ORC1: variants seen among roughly 807,000 people sequenced by gnomAD.
The protein encoded by ORC1 is origin recognition complex subunit 1.
A neutral mutation model predicts 98.9 loss-of-function variants in ORC1; 61 were observed. The observed-to-expected ratio is 0.62, with a 90% CI of 0.50 to 0.76. ORC1 has a LOEUF of 0.76. Ranked by LOEUF, ORC1 falls within the 30% of genes least tolerant of loss-of-function variation. The pLI is 0.00. For missense variants in ORC1, 979 were observed against 1,072.2 expected, an observed-to-expected ratio of 0.91 and a Z score of 1.21; for synonymous variants, 385 against 406.9, an observed-to-expected ratio of 0.95 and a Z score of 0.65.
chr1:52,374,770 G>T, intron 16 of ORC1, 40 bp downstream of exon 16: 1 of 1,391,710 alleles, frequency 7.2e-7, no homozygotes, highest in Non-Finnish European at 1.0e-6. Flanking sequence ...AAAAGCGTAA[G>T]TCCAAAATCT....
intron 3 of ORC1, among the ~76,000 whole-genome samples, chr1:52,399,909 C>T (rs937528880): frequency 1.4e-4 from 21 of 152,046 alleles, no homozygotes; most frequent in African/African-American, 4.8e-4. Context: ...ATTATTACAG[C>T]ATACGATTAG....
At chr1:52,376,733 G>T (rs746410659) in intron 14 of ORC1, among the ~76,000 whole-genome samples, 2 of 152,086 alleles carry the variant, frequency 1.3e-5, no homozygotes, top group Admixed American at 6.6e-5. Context: ...GGGAACTCTG[G>T]GGGGTAAGGA....
upstream of ORC1, chr1:52,408,810 G>T: frequency 7.9e-7 from 1 of 1,265,506 alleles, no homozygotes; most frequent in Non-Finnish European, 1.1e-6. Context: ...CATTGTTACT[G>T]TCTCTATGCA....
chr1:52,382,572 C>CTTTTTTT (rs3049207), intron 13 of ORC1, among the ~76,000 whole-genome samples: 2 of 107,406 alleles, frequency 1.9e-5, no homozygotes, highest in Admixed American at 9.8e-5. Flanking sequence ...AGTGCTAAAA[C>CTTTTTTT]TTTTTTTTTT....
intron 14 of ORC1, among the ~76,000 whole-genome samples, chr1:52,380,101 G>A (rs1166331802): frequency 6.6e-6 from 1 of 152,134 alleles, no homozygotes; most frequent in African/African-American, 2.4e-5. Context: ...CCTGACACCA[G>A]CCCCTCATTC....
In ORC1 at chr1:52,386,342, C is replaced by T. The variant is rs115882970; in HGVS notation, c.1384-393G>A. 3.5e-3 allele frequency among the ~76,000 whole-genome samples: 529 copies of T among 152,302 alleles called. 2 individuals carry two copies. The highest frequency in any genetic ancestry group is 0.012 in the African/African-American group (506 of 41,556). On this transcript the variant is annotated intron_variant, in intron 8 of 16. Coordinates refer to ENST00000371568, the MANE Select transcript of ORC1 (RefSeq NM_004153.4). Reference sequence around the variant, plus strand: ...ATAAACTAGGTTTGATTCATTAGATCTTTCCCTGGGCTTATTTGAAGATAT... The same window carrying T: ...ATAAACTAGGTTTGATTCATTAGATTTTTCCCTGGGCTTATTTGAAGATAT...
Position 52,400,029 on chromosome 1 carries a change from A to G in ORC1, c.223+1333T>C, listed in dbSNP as rs1240928701. 4.6e-5 allele frequency among the ~76,000 whole-genome samples: 7 copies of G among 152,274 alleles called. No homozygotes were observed. The East Asian group carries it at 1.3e-3, about 29-fold the overall frequency. On this transcript the variant is annotated intron_variant, in intron 3 of 16. Transcript: ENST00000371568. ...TTCAGAGAAAGACTAAAGTCATCCA[A>G]TGGAGCACCAAGAGAGGATTCTAGA...
At chr1:52,376,423 G>A (rs920322052) in intron 14 of ORC1, among the ~76,000 whole-genome samples, 2 of 152,088 alleles carry the variant, frequency 1.3e-5, no homozygotes, top group African/African-American at 4.8e-5. Flanking sequence ...GCTGAGGCAG[G>A]AGAGTCACTT....
Position 52,383,435 on chromosome 1 carries a change from C to G in ORC1, c.1998G>C (p.Arg666=). Reference sequence around the variant, plus strand: ...TAGAACCTACCAGTCGGCTGGACACCCGGTTCATCATGATTCGCTCTGGCA... The same window carrying G: ...TAGAACCTACCAGTCGGCTGGACACGCGGTTCATCATGATTCGCTCTGGCA... ...MDLPERIMMN[R]VSSRLGLTRM... Residue 666 remains arginine (R), a synonymous_variant, in exon 13 of 17, where the codon CGG becomes CGC. Coordinates refer to ENST00000371568, the MANE Select transcript of ORC1 (RefSeq NM_004153.4). 6.2e-7 allele frequency: 1 copy of G among 1,612,660 alleles called. No individual in the cohort carries two copies. Among genetic ancestry groups the G allele is most frequent in the South Asian group, 1.1e-5 (1 of 91,000 alleles).
rs541977930 is a variant in ORC1 at position 52,393,590 on chromosome 1, G to A, written c.935C>T (p.Pro312Leu). Residue 312 changes from proline to leucine, a missense_variant, in exon 6 of 17, where the codon CCT (proline) becomes CTT (leucine). Pro to Leu is a moderately conservative substitution (Grantham distance 98). Transcript: ENST00000371568. The stretch of plus-strand genomic sequence containing the variant: ...GGTTCTCAGGATTATGCGATGTTCA[G>A]GTGAAGCCTTCTTGTCATCCTCAGT... ...SYTEDDKKAS[P>L]EHRIILRTRI... 1 of 1,614,166 alleles carries A rather than the reference G, an allele frequency of 6.2e-7. No homozygotes were observed. Among genetic ancestry groups the A allele is most frequent in the African/African-American group, 1.3e-5 (1 of 75,028 alleles).
upstream of ORC1, chr1:52,404,901 G>A (rs778205160): frequency 6.2e-6 from 10 of 1,606,468 alleles, no homozygotes; most frequent in Admixed American, 3.4e-5. Context: ...CGCGCGGAGC[G>A]CCTCTCAGCC....
In ORC1 at chr1:52,373,053, G is replaced by C. The variant is rs1380287425; in HGVS notation, c.*128C>G. 1.0e-6 allele frequency: 1 copy of C among 991,268 alleles called. No homozygotes were observed. The highest frequency in any genetic ancestry group is 1.7e-5 in the Admixed American group (1 of 58,846). The allele number at this position is 991,268 out of a possible 1,614,324, so 61.4% of individuals were successfully genotyped here. A position where few individuals can be genotyped will look rare whatever the true frequency, so the allele number is the denominator to read the frequency against. ...AGGATGAGGTTGGGGGGTCACCTAA[G>C]CCTGAGAAGTCAAGGCTGCAGTGAG... is the stretch of plus-strand genomic sequence containing the variant. On this transcript the variant is annotated 3_prime_UTR_variant, in exon 17 of 17. Coordinates refer to ENST00000371568, the MANE Select transcript of ORC1 (RefSeq NM_004153.4).
At chr1:52,383,319 G>T in intron 13 of ORC1, 101 bp downstream of exon 13, 1 of 1,432,760 alleles carries the variant, frequency 7.0e-7, no homozygotes, top group Non-Finnish European at 9.8e-7. Context: ...AAAGTGCGGG[G>T]TTTACAGGCG....
At chr1:52,399,329 A>C (rs1243373043) in intron 3 of ORC1, among the ~76,000 whole-genome samples, 1 of 152,122 alleles carries the variant, frequency 6.6e-6, no homozygotes, top group Non-Finnish European at 1.5e-5. Context: ...TCTCTGCTAA[A>C]AATACAAAAA....
upstream of ORC1, chr1:52,404,546 T>G (rs1047475600): frequency 1.9e-6 from 1 of 530,970 alleles, no homozygotes; most frequent in African/African-American, 1.9e-5. Flanking sequence ...GTACATCCGC[T>G]AACATGCAGC....
chr1:52,385,832 G>C lies in ORC1; in HGVS notation c.1481+20C>G. 1 of 1,566,842 alleles carries C rather than the reference G, an allele frequency of 6.4e-7. No homozygotes were observed. Among genetic ancestry groups the C allele is most frequent in the Non-Finnish European group, 8.8e-7 (1 of 1,137,042 alleles). ...CCCATGGTTCCTGCCTCTCTGAAGG[G>C]GAATCAACAGCAGCAGTACCTCAGT... On this transcript the variant is annotated intron_variant, in intron 9 of 16. Transcript: ENST00000371568.
intron 6 of ORC1, among the ~76,000 whole-genome samples, chr1:52,393,143 A>C (rs189059171): frequency 4.9e-4 from 74 of 152,348 alleles, no homozygotes; most frequent in African/African-American, 1.5e-3. Context: ...ATGAAATCCC[A>C]AACTGGATAG....
chr1:52,402,487 C>A (rs1647759923), intron 1 of ORC1, among the ~76,000 whole-genome samples: 1 of 152,178 alleles, frequency 6.6e-6, no homozygotes, highest in Non-Finnish European at 1.5e-5. Flanking sequence ...ACAGAAAGGT[C>A]AATTCCTAAG....
chr1:52,379,570 G>C (rs914570521), intron 14 of ORC1, among the ~76,000 whole-genome samples: 1 of 152,054 alleles, frequency 6.6e-6, no homozygotes, highest in African/African-American at 2.4e-5. Context: ...GGTTGTGGTT[G>C]AAAGTTAAAA....
Sources: gnomAD v4.1 joint callset for allele counts (sites outside exome capture counted in the v4.1 genomes callset) on GRCh38, gnomAD v4.1.1 for gene constraint, MANE v1.5 for transcripts, NCBI Gene and HGNC (gene_info 2026-07-23, HGNC 2026-07-21) for gene names.